GALNS: variants seen among roughly 807,000 people sequenced by gnomAD.
The protein encoded by GALNS is N-acetylgalactosamine-6-sulfatase.
In GALNS, 65 loss-of-function variants were observed where a neutral mutation model predicts 65.9. The ratio of observed to expected loss-of-function variants is 0.99; its 90% CI spans 0.81 to 1.21. GALNS has a LOEUF of 1.21. GALNS is among the 50% of genes most tolerant of loss of function. The pLI, the probability that GALNS is intolerant of heterozygous loss-of-function variation, is 0.00. For synonymous variants in GALNS, 346 were observed against 288.9 expected, an observed-to-expected ratio of 1.20 and a Z score of -2.00; for missense variants, 776 against 700.7, an observed-to-expected ratio of 1.11 and a Z score of -1.21.
chr16:88,820,359 C>A (rs1910078023), intron 12 of GALNS, among the ~76,000 whole-genome samples: 1 of 151,776 alleles, frequency 6.6e-6, no homozygotes. Context: ...AAACTCCTGA[C>A]CTCAGGTGAT....
At position 88,826,679 on chromosome 16, in the gene GALNS, G is replaced by A. The variant is rs779433927; in HGVS notation, c.1139+23C>T. On this transcript the variant is annotated intron_variant, in intron 10 of 13. Transcript: ENST00000268695. ...TTCACTACTTGGATCGGGGGAAGGGGCCGGGGCAGGTCTAGCACCAACCTG... is the reference window on the plus strand; with the variant it reads ...TTCACTACTTGGATCGGGGGAAGGGACCGGGGCAGGTCTAGCACCAACCTG... The A allele has an allele frequency of 3.1e-6, 5 of 1,607,550 alleles. No homozygotes were observed. The South Asian group carries it at 3.3e-5, about 11-fold the overall frequency.
chr16:88,830,014 C>T (rs899199168), intron 9 of GALNS, among the ~76,000 whole-genome samples: 5 of 152,026 alleles, frequency 3.3e-5, no homozygotes, highest in African/African-American at 4.8e-5. Flanking sequence ...GGGCAGATCA[C>T]GAGGTCAGGA....
At chr16:88,837,972 C>T (rs956778120) in intron 4 of GALNS, 33 of 581,580 alleles carry the variant, frequency 5.7e-5, no homozygotes, top group Middle Eastern at 4.0e-4. Context: ...CCCTGCAGAG[C>T]GTCTGGGCAC....
intron 6 of GALNS, 133 bp from the exon 7 acceptor site, chr16:88,835,982 G>T: frequency 1.4e-6 from 2 of 1,430,382 alleles, no homozygotes; most frequent in Non-Finnish European, 1.9e-6. Flanking sequence ...ACGGGGCAAG[G>T]TTGGTGCGGT....
At chr16:88,817,491 T>A (rs1030394229) in intron 13 of GALNS, 6 of 985,336 alleles carry the variant, frequency 6.1e-6, no homozygotes, top group Non-Finnish European at 7.2e-6. Context: ...AATGAGAACC[T>A]CGCAGGTGGG....
At chr16:88,835,172 T>C (rs1184707234) in intron 8 of GALNS, 41 bp downstream of exon 8, 1 of 1,554,988 alleles carries the variant, frequency 6.4e-7, no homozygotes, top group Non-Finnish European at 8.7e-7. Flanking sequence ...GCTGACACGC[T>C]GGCTGTGGGG....
intron 1 of GALNS, among the ~76,000 whole-genome samples, chr16:88,848,648 C>T (rs887027528): frequency 2.0e-5 from 3 of 151,576 alleles, no homozygotes; most frequent in Admixed American, 6.6e-5. Context: ...ACTGCTGGGT[C>T]GGGGCCGGTG....
chr16:88,842,510 C>A, intron 2 of GALNS, 196 bp downstream of exon 2: 1 of 660,716 alleles, frequency 1.5e-6, no homozygotes, highest in Non-Finnish European at 2.5e-6. Flanking sequence ...GAAAACCCAG[C>A]AGGTGCCGCA....
At chr16:88,834,896 C>T (rs1911947996) in intron 8 of GALNS, among the ~76,000 whole-genome samples, 1 of 152,194 alleles carries the variant, frequency 6.6e-6, no homozygotes, top group South Asian at 2.1e-4. Context: ...TCCACCGGCC[C>T]TGCTGTTTCC....
chr16:88,821,825 C>T (rs1239391676), intron 12 of GALNS, among the ~76,000 whole-genome samples: 1 of 152,288 alleles, frequency 6.6e-6, no homozygotes, highest in East Asian at 1.9e-4. Context: ...CCTGATGCTC[C>T]TGGGTCTTCC....
rs1219682214 is a variant in GALNS at position 88,848,576 on chromosome 16, A to AC, written c.121-5748_121-5747insG. On this transcript the variant is annotated intron_variant, in intron 1 of 13. Coordinates refer to ENST00000268695, the MANE Select transcript of GALNS (RefSeq NM_000512.5). ...GTGACAGTGAGACTCCGTCTGAAAA[A>AC]AAAAAAAAAAGGAAGTGCGGGCATC... Among the ~76,000 whole-genome samples the AC allele has an allele frequency of 2.0e-5, 3 of 151,342 alleles. No individual in the cohort carries two copies. In the East Asian group the frequency reaches 5.8e-4, roughly 29 times the overall value.
chr16:88,829,552 G>A (rs1911271951), intron 9 of GALNS, among the ~76,000 whole-genome samples: 1 of 152,256 alleles, frequency 6.6e-6, no homozygotes, highest in Non-Finnish European at 1.5e-5. Context: ...GTCTGAGGGA[G>A]GCCCAGACAG....
At chr16:88,846,363 C>T (rs1410263551) in intron 1 of GALNS, among the ~76,000 whole-genome samples, 1 of 152,130 alleles carries the variant, frequency 6.6e-6, no homozygotes, top group Admixed American at 6.5e-5. Context: ...AGGCGGGAGA[C>T]ACACAGCCAT....
chr16:88,856,572 C>T (rs567181907), intron 1 of GALNS, 186 bp downstream of exon 1: 2 of 589,988 alleles, frequency 3.4e-6, no homozygotes, highest in African/African-American at 2.7e-5. Context: ...CCCCTCCCCG[C>T]ACGGGGATAC....
rs138356675 is a variant in GALNS, at chr16:88,850,747, G to A, written c.120+6011C>T. Among the ~76,000 whole-genome samples the A allele has an allele frequency of 6.6e-3, 1,006 of 152,348 alleles. 15 individuals are homozygous for A. The highest frequency in any genetic ancestry group is 0.023 in the African/African-American group (967 of 41,586). On this transcript the variant is annotated intron_variant, in intron 1 of 13. Coordinates refer to ENST00000268695, the MANE Select transcript of GALNS (RefSeq NM_000512.5). ...ACGCTCGGGCTGCGAGCACAGGTGCGGGATGCTGACGGGGAAGCTGTGCGA... is the reference window on the plus strand; with the variant it reads ...ACGCTCGGGCTGCGAGCACAGGTGCAGGATGCTGACGGGGAAGCTGTGCGA...
chr16:88,843,211 A>G, intron 1 of GALNS: 1 of 1,321,256 alleles, frequency 7.6e-7, no homozygotes, highest in South Asian at 1.2e-5. Flanking sequence ...TATTTTCAAC[A>G]TAAATACACA....
chr16:88,834,142 C>T (rs78905115), intron 8 of GALNS, among the ~76,000 whole-genome samples: 8,192 of 152,304 alleles, frequency 0.054, 290 homozygotes, highest in Middle Eastern at 0.17. Flanking sequence ...AGGGCCTGCA[C>T]GAGAGCCAGG....
At chr16:88,817,170 C>T in intron 13 of GALNS, 1 of 985,470 alleles carries the variant, frequency 1.0e-6, no homozygotes, top group Non-Finnish European at 1.2e-6. Context: ...CCACATGCCA[C>T]CCTATGGGAC....
intron 8 of GALNS, among the ~76,000 whole-genome samples, chr16:88,833,662 G>C (rs1911759506): frequency 6.6e-6 from 1 of 152,006 alleles, no homozygotes; most frequent in African/African-American, 2.4e-5. Flanking sequence ...GTGTTAGCCA[G>C]GATGGTCTCG....
Sources: gnomAD v4.1 joint callset for allele counts (sites outside exome capture counted in the v4.1 genomes callset) on GRCh38, gnomAD v4.1.1 for gene constraint, MANE v1.5 for transcripts, NCBI Gene and HGNC (gene_info 2026-07-23, HGNC 2026-07-21) for gene names.